Variants in SCFD1 observed in about 807,000 individuals in gnomAD.
The protein encoded by SCFD1 is sec1 family domain-containing protein 1.
In SCFD1, 37 loss-of-function variants were observed where a neutral mutation model predicts 103.2. That is an observed-to-expected ratio of 0.36 (90% CI 0.28 to 0.47). The LOEUF (loss-of-function observed/expected upper bound fraction) is 0.47. SCFD1 is among the 20% of genes least tolerant of loss of function. SCFD1 has a pLI of 1.00. For missense variants in SCFD1, 639 were observed against 761.2 expected (o/e 0.84, Z 1.89); for synonymous variants, 264 against 245.0 (o/e 1.08, Z -0.73).
chr14:30,699,370 C>T (rs1393676083), intron 15 of SCFD1, among the ~76,000 whole-genome samples: 3 of 152,156 alleles, frequency 2.0e-5, no homozygotes, highest in African/African-American at 7.2e-5. Flanking sequence ...TCTTAGGATG[C>T]ACTTTAAAGT....
chr14:30,669,553 GT>G (rs140138891), intron 10 of SCFD1, among the ~76,000 whole-genome samples: 1 of 151,374 alleles, frequency 6.6e-6, no homozygotes, highest in African/African-American at 2.4e-5. Flanking sequence ...GGGTTTTTTG[GT>G]TTTTTTTACA....
chr14:30,683,097 T>C, intron 14 of SCFD1: 1 of 1,328,776 alleles, frequency 7.5e-7, no homozygotes, highest in Non-Finnish European at 1.1e-6. Flanking sequence ...CAGATACTTC[T>C]TAAAAGCTGT....
intron 20 of SCFD1, 82 bp from the exon 21 acceptor site, chr14:30,719,243 A>C: frequency 1.2e-6 from 1 of 832,574 alleles, no homozygotes; most frequent in Non-Finnish European, 2.0e-6. Flanking sequence ...TGATAGATTC[A>C]TTAAAATAGG....
At chr14:30,664,094 G>T (rs1050138197) in intron 10 of SCFD1, among the ~76,000 whole-genome samples, 1 of 152,148 alleles carries the variant, frequency 6.6e-6, no homozygotes, top group African/African-American at 2.4e-5. Flanking sequence ...CCTGACCCCT[G>T]TGTAGGCTAA....
chr14:30,628,184 A>G (rs1883722485), intron 1 of SCFD1, 25 bp from the exon 2 acceptor site: 3 of 1,555,336 alleles, frequency 1.9e-6, no homozygotes, highest in African/African-American at 1.4e-5. Flanking sequence ...CAATGACAAT[A>G]TTTGATAAAA....
chr14:30,702,523 C>T (rs751189782), intron 17 of SCFD1, 148 bp downstream of exon 17: 27 of 473,804 alleles, frequency 5.7e-5, no homozygotes, highest in Non-Finnish European at 8.2e-5. Flanking sequence ...CCTTATCTGG[C>T]CCACCCTGTT....
intron 14 of SCFD1, among the ~76,000 whole-genome samples, chr14:30,689,893 T>C (rs1473917753): frequency 3.0e-4 from 35 of 116,484 alleles, no homozygotes; most frequent in South Asian, 6.9e-4. Context: ...CGCTCTGCGT[T>C]TTAGAGTTTC....
At chr14:30,624,122 T>C (rs536048325) in intron 1 of SCFD1, among the ~76,000 whole-genome samples, 120 of 152,312 alleles carry the variant, frequency 7.9e-4, no homozygotes, top group Admixed American at 1.5e-3. Context: ...TCCTGAAAAA[T>C]CTTTATTGAT....
At chr14:30,722,039 A>T in intron 22 of SCFD1, 122 bp downstream of exon 22, 2 of 646,332 alleles carry the variant, frequency 3.1e-6, no homozygotes, top group Non-Finnish European at 5.3e-6. Flanking sequence ...TGGCCTAGCA[A>T]TTATATTTTT....
chr14:30,639,857 A>G lies in SCFD1; in HGVS notation c.516A>G (p.Ser172=), dbSNP rs1885092992. The change falls in exon 6 of 25, where the codon TCA becomes TCG. Residue 172 remains serine, a synonymous_variant. Transcript: ENST00000458591. ...GTAATCAAAATAAGGAGCTTGTTTCATATCGTGGTATGTAAAAATAGAAAT... is the reference window on the plus strand; with the variant it reads ...GTAATCAAAATAAGGAGCTTGTTTCGTATCGTGGTATGTAAAAATAGAAAT... ...VLCNQNKELV[S]YRAINRPDIT... 6.3e-7 allele frequency: 1 copy of G among 1,579,844 alleles called. No individual in the cohort carries two copies. Among genetic ancestry groups the G allele is most frequent in the Non-Finnish European group, 8.6e-7 (1 of 1,163,604 alleles).
intron 1 of SCFD1, among the ~76,000 whole-genome samples, chr14:30,622,807 T>C (rs1052249727): frequency 6.6e-6 from 1 of 152,194 alleles, no homozygotes; most frequent in Non-Finnish European, 1.5e-5. Flanking sequence ...AATTTAGGTA[T>C]TTTCACAGCG....
chr14:30,643,922 C>T lies in SCFD1; in HGVS notation c.613+517C>T, dbSNP rs532207964. 1.9e-3 allele frequency: 850 copies of T among 455,944 alleles called. 5 individuals are homozygous for T. The highest frequency in any genetic ancestry group is 3.9e-3 in the Middle Eastern group (12 of 3,074). The allele number at this position is 455,944 out of a possible 1,614,324, so 28.2% of individuals were successfully genotyped here. ...GCAAGTTTGTTACATGGGTAAATTG[C>T]GTGTCACTGGGGTTTGGTGTACAAA... is the stretch of plus-strand genomic sequence containing the variant. On this transcript the variant is annotated intron_variant, in intron 7 of 24. Transcript: ENST00000458591.
In SCFD1 at chr14:30,649,445, G is replaced by A. The variant is rs1034083844; in HGVS notation, c.614-83G>A. 1.5e-5 allele frequency: 12 copies of A among 816,888 alleles called. 1 individual carries two copies. In the South Asian group the frequency reaches 1.6e-4, roughly 11 times the overall value. The allele number at this position is 816,888 out of a possible 1,614,324, so 50.6% of individuals were successfully genotyped here. On this transcript the variant is annotated intron_variant, in intron 7 of 24. Transcript: ENST00000458591. ...GAAATTGTATGTATCTATCACATCT[G>A]TTATTTTTGATGCTGATGTATTTTA...
At chr14:30,639,919 G>C (rs1255429974) in intron 6 of SCFD1, 55 bp downstream of exon 6, 6 of 1,506,172 alleles carry the variant, frequency 4.0e-6, no homozygotes, top group Non-Finnish European at 5.3e-6. Context: ...ATGGTATACT[G>C]TAAGAAAAAA....
intron 4 of SCFD1, chr14:30,634,916 C>T: frequency 2.2e-6 from 1 of 455,980 alleles, no homozygotes; most frequent in Non-Finnish European, 4.4e-6. Context: ...ATTTATTTCT[C>T]ACTAGGTAGA....
At chr14:30,629,855 C>T (rs553695027) in intron 2 of SCFD1, among the ~76,000 whole-genome samples, 2 of 152,148 alleles carry the variant, frequency 1.3e-5, no homozygotes, top group Admixed American at 6.5e-5. Flanking sequence ...AGATTACAGG[C>T]GTGAGCCACT....
At chr14:30,669,167 A>G (rs1056260486) in intron 10 of SCFD1, among the ~76,000 whole-genome samples, 11 of 152,100 alleles carry the variant, frequency 7.2e-5, no homozygotes, top group Admixed American at 1.3e-4. Context: ...TATGTTAAGG[A>G]CCTAGAGTCA....
intron 15 of SCFD1, among the ~76,000 whole-genome samples, chr14:30,696,184 G>A (rs970091508): frequency 1.3e-5 from 2 of 152,098 alleles, no homozygotes; most frequent in African/African-American, 4.8e-5. Flanking sequence ...TAATTTAAAA[G>A]TCCAAACTGT....
At chr14:30,697,677 C>T (rs1026742447) in intron 15 of SCFD1, among the ~76,000 whole-genome samples, 1 of 152,170 alleles carries the variant, frequency 6.6e-6, no homozygotes, top group Non-Finnish European at 1.5e-5. Flanking sequence ...AAGAACACAG[C>T]ATCACTGTTG....
Sources: allele counts gnomAD v4.1 joint callset (sites outside exome capture counted in the v4.1 genomes callset), GRCh38; gene constraint gnomAD v4.1.1; transcripts MANE v1.5; gene names NCBI Gene and HGNC (gene_info 2026-07-23, HGNC 2026-07-21).